SVEP1: variants seen among roughly 807,000 people sequenced by gnomAD.
The protein encoded by SVEP1 is sushi, von Willebrand factor type A, EGF and pentraxin domain containing 1.
In SVEP1, 164 loss-of-function variants were observed where a neutral mutation model predicts 367.3. The observed-to-expected ratio is 0.45, with a 90% CI of 0.39 to 0.51. The LOEUF is 0.51. Ranked by LOEUF, SVEP1 falls within the 20% of genes least tolerant of loss-of-function variation. SVEP1 has a pLI of 0.00. For synonymous variants in SVEP1, 1,666 were observed against 1,611.6 expected (o/e 1.03, Z -0.81); for missense variants, 4,117 against 4,425.3 (o/e 0.93, Z 1.98).
At chr9:110,384,849 A>T (rs1827496449) in intron 43 of SVEP1, among the ~76,000 whole-genome samples, 1 of 152,228 alleles carries the variant, frequency 6.6e-6, no homozygotes, top group African/African-American at 2.4e-5. Flanking sequence ...GGCATGATAC[A>T]TTCTTACACT....
At chr9:110,572,844 A>G (rs1348174005) in intron 1 of SVEP1, among the ~76,000 whole-genome samples, 2 of 148,428 alleles carry the variant, frequency 1.3e-5, no homozygotes, top group African/African-American at 2.5e-5. Context: ...CCTGGGAAAT[A>G]TATGTGAGGT....
chr9:110,504,930 C>T (rs570935148), intron 5 of SVEP1, among the ~76,000 whole-genome samples: 3 of 152,226 alleles, frequency 2.0e-5, no homozygotes, highest in South Asian at 4.1e-4. Context: ...AGCACATTTC[C>T]CCGGCCAGAG....
At chr9:110,384,673 C>G (rs146365507) in intron 43 of SVEP1, among the ~76,000 whole-genome samples, 196 of 151,472 alleles carry the variant, frequency 1.3e-3, no homozygotes, top group African/African-American at 4.0e-3. Context: ...AATGACAGCC[C>G]TCAGACTCAG....
At chr9:110,379,567 A>T in intron 43 of SVEP1, 50 bp from the exon 44 acceptor site, 1 of 1,560,790 alleles carries the variant, frequency 6.4e-7, no homozygotes, top group Non-Finnish European at 8.8e-7. Flanking sequence ...ACACAGACTG[A>T]GAACACAGTC....
intron 10 of SVEP1, among the ~76,000 whole-genome samples, chr9:110,482,999 G>A (rs1001802744): frequency 2.7e-5 from 4 of 150,540 alleles, no homozygotes; most frequent in African/African-American, 1.0e-4. Context: ...GGCTTTTTTT[G>A]ACAAACAACT....
At chr9:110,385,866 C>A in intron 43 of SVEP1, 32 bp downstream of exon 43, 2 of 1,597,798 alleles carry the variant, frequency 1.3e-6, no homozygotes, top group Non-Finnish European at 1.7e-6. Flanking sequence ...TTCGCACTAG[C>A]GGCATGAACT....
At chr9:110,524,939 T>C (rs1208090697) in intron 3 of SVEP1, among the ~76,000 whole-genome samples, 1 of 152,094 alleles carries the variant, frequency 6.6e-6, no homozygotes, top group Non-Finnish European at 1.5e-5. Context: ...CTCAAACTCC[T>C]GGACTCTGGC....
intron 22 of SVEP1, among the ~76,000 whole-genome samples, chr9:110,452,720 A>G (rs752007093): frequency 2.0e-5 from 3 of 152,214 alleles, no homozygotes; most frequent in Non-Finnish European, 2.9e-5. Context: ...ATAAGATAAA[A>G]ATGATTTCTT....
intron 1 of SVEP1, among the ~76,000 whole-genome samples, chr9:110,569,388 G>A (rs1830528559): frequency 1.3e-5 from 2 of 151,282 alleles, no homozygotes; most frequent in Non-Finnish European, 2.9e-5. Flanking sequence ...CCCGGGAGGT[G>A]GAGGTTGTGG....
In SVEP1 at chr9:110,481,316, G is replaced by C; in HGVS notation, c.2291C>G (p.Thr764Ser). 3 of 1,611,482 alleles carry C rather than the reference G, an allele frequency of 1.9e-6. No homozygotes were observed. The South Asian group carries it at 3.3e-5, about 18-fold the overall frequency. Residue 764 changes from threonine (T) to serine (S), a missense_variant, in exon 12 of 48, where the codon ACT (threonine) becomes AGT (serine). Around this residue, in one of 4 missense-constraint regions of SVEP1, gnomAD observed 2,174 missense variants for 2,494.3 expected, o/e 0.87. Coordinates refer to ENST00000374469, the MANE Select transcript of SVEP1 (RefSeq NM_153366.4). ...TTCATAAGCACAATAATACTTGTCA[G>C]TAGACCCTTCTGTGAAATCATAGCC... ...LEGYDFTEGS[T>S]DKYYCAYEDG...
At chr9:110,426,477 C>T (rs919070187) in intron 36 of SVEP1, among the ~76,000 whole-genome samples, 9 of 152,056 alleles carry the variant, frequency 5.9e-5, no homozygotes, top group African/African-American at 1.7e-4. Flanking sequence ...CAAGGCAGAG[C>T]GGTCACACTA....
In SVEP1 at chr9:110,514,076, C is replaced by G. The variant is rs3818764; in HGVS notation, c.995G>C (p.Gly332Ala). The stretch of plus-strand genomic sequence containing the variant: ...GCAACTGCTGATTCCTCCTGGTGAG[C>G]CTTCAGGTTTGTATGTCCCCGATGG... ...ACPSGTYKPEGSPGGISSCIP... is the reference protein window; with the variant it reads ...ACPSGTYKPEASPGGISSCIP... The change falls in exon 4 of 48, where the codon GGC (glycine) becomes GCC (alanine). Residue 332 changes from glycine (G) to alanine (A), a missense_variant. By Grantham distance (60) the Gly-to-Ala change is moderately conservative. Coordinates refer to ENST00000374469, the MANE Select transcript of SVEP1 (RefSeq NM_153366.4). 0.2 allele frequency: 323,139 copies of G among 1,609,154 alleles called. 34,719 individuals are homozygous for G. Among genetic ancestry groups the G allele is most frequent in the Admixed American group, 0.3 (17,668 of 59,252 alleles).
chr9:110,378,778 G>A (rs545435530), intron 44 of SVEP1, among the ~76,000 whole-genome samples: 24 of 147,876 alleles, frequency 1.6e-4, no homozygotes, highest in East Asian at 1.0e-3. Context: ...GGGGGAGGGC[G>A]GAGGGATAGC....
Position 110,427,593 on chromosome 9 carries a change from T to A in SVEP1, c.5973A>T (p.Glu1991Asp), listed in dbSNP as rs1190369047. 1 of 1,612,882 alleles carries A rather than the reference T, an allele frequency of 6.2e-7. No homozygotes were observed. The highest frequency in any genetic ancestry group is 8.5e-7 in the Non-Finnish European group (1 of 1,179,296). Residue 1991 changes from glutamate to aspartate, a missense_variant and splice_region_variant, in exon 36 of 48, where the codon GAA (glutamate) becomes GAT (aspartate). Physicochemically the swap from Glu to Asp is conservative, Grantham distance 45. This residue lies in a region of SVEP1 where 2,174 missense variants were observed against 2,494.3 expected (regional missense o/e 0.87). Coordinates refer to ENST00000374469, the MANE Select transcript of SVEP1 (RefSeq NM_153366.4). ...FRNTVTYTCK[E>D]GYTLAGLDTI... is the part of the protein sequence containing the mutation. ...TTTCCTTCACAGGCCCTACTCACCC[T>A]TCTTTGCAAGTGTAAGTGACGGTGT...
chr9:110,395,082 C>A (rs372233911), intron 40 of SVEP1, among the ~76,000 whole-genome samples: 31 of 152,222 alleles, frequency 2.0e-4, no homozygotes, highest in Middle Eastern at 3.4e-3. Flanking sequence ...GAAGGAAAAA[C>A]TGTTAAGAGC....
At chr9:110,425,110 A>C (rs1481099554) in intron 36 of SVEP1, among the ~76,000 whole-genome samples, 1 of 152,244 alleles carries the variant, frequency 6.6e-6, no homozygotes, top group Admixed American at 6.5e-5. Flanking sequence ...TTAAAGGGGC[A>C]TCATTTTTCT....
chr9:110,372,138 A>G (rs750619692), intron 46 of SVEP1, among the ~76,000 whole-genome samples: 5 of 152,188 alleles, frequency 3.3e-5, no homozygotes, highest in Non-Finnish European at 4.4e-5. Flanking sequence ...TTTGTGGTCC[A>G]TGCCTTTAGC....
intron 22 of SVEP1, 136 bp from the exon 23 acceptor site, chr9:110,451,538 G>T: frequency 1.7e-6 from 1 of 572,590 alleles, no homozygotes; most frequent in Non-Finnish European, 3.0e-6. Context: ...CAAACATGTT[G>T]AAATAAAATG....
intron 18 of SVEP1, among the ~76,000 whole-genome samples, chr9:110,461,094 G>C (rs1828851087): frequency 6.6e-6 from 1 of 152,028 alleles, no homozygotes; most frequent in Non-Finnish European, 1.5e-5. Flanking sequence ...ACATTCATTT[G>C]AGAATTGTCA....
Sources: allele counts gnomAD v4.1 joint callset (sites outside exome capture counted in the v4.1 genomes callset), GRCh38; gene constraint gnomAD v4.1.1; regional missense constraint gnomAD v4.1.1; transcripts MANE v1.5; gene names NCBI Gene and HGNC (gene_info 2026-07-23, HGNC 2026-07-21).